Variants in PTPRR observed in about 807,000 individuals in gnomAD.
The protein encoded by PTPRR is protein tyrosine phosphatase receptor type R.
PTPRR carries 38 observed loss-of-function variants against 77.2 expected under a neutral mutation model. The observed-to-expected ratio is 0.49, with a 90% CI of 0.38 to 0.65. PTPRR has a LOEUF of 0.65. PTPRR is among the 30% of genes least tolerant of loss of function. PTPRR has a pLI of 0.00. For missense variants in PTPRR, 744 were observed against 799.2 expected, an observed-to-expected ratio of 0.93 and a Z score of 0.83; for synonymous variants, 299 against 283.1, an observed-to-expected ratio of 1.06 and a Z score of -0.57.
intron 2 of PTPRR, among the ~76,000 whole-genome samples, chr12:70,842,786 T>C (rs1892418330): frequency 1.3e-5 from 2 of 152,348 alleles, no homozygotes; most frequent in East Asian, 1.9e-4. Flanking sequence ...CAAAATAAGA[T>C]AATAGTCACA....
At chr12:70,672,445 G>A in intron 10 of PTPRR, 1 of 1,086,586 alleles carries the variant, frequency 9.2e-7, no homozygotes, top group Non-Finnish European at 1.4e-6. Flanking sequence ...CAAGGCCACA[G>A]ATGCCATGGC....
intron 2 of PTPRR, among the ~76,000 whole-genome samples, chr12:70,873,828 C>T (rs571718546): frequency 2.0e-5 from 3 of 152,160 alleles, no homozygotes; most frequent in African/African-American, 7.2e-5. Flanking sequence ...GTGTTTGGGA[C>T]ACTCTAAAAA....
At chr12:70,797,789 T>G (rs1205738410) in intron 2 of PTPRR, among the ~76,000 whole-genome samples, 1 of 152,196 alleles carries the variant, frequency 6.6e-6, no homozygotes, top group Non-Finnish European at 1.5e-5. Context: ...GCCAGTGGTG[T>G]TCTTTCTCAT....
intron 6 of PTPRR, among the ~76,000 whole-genome samples, chr12:70,735,786 T>C (rs564342242): frequency 6.0e-4 from 92 of 152,352 alleles, no homozygotes; most frequent in African/African-American, 2.2e-3. Context: ...ATAGAAATAC[T>C]GCCTGCCTCC....
intron 6 of PTPRR, among the ~76,000 whole-genome samples, chr12:70,728,776 C>G (rs1416755198): frequency 6.6e-6 from 1 of 151,878 alleles, no homozygotes; most frequent in Non-Finnish European, 1.5e-5. Context: ...TTCTTTATCT[C>G]CATTCCTTGT....
chr12:70,829,080 G>A (rs1892165858), intron 2 of PTPRR, among the ~76,000 whole-genome samples: 2 of 151,948 alleles, frequency 1.3e-5, no homozygotes, highest in South Asian at 4.2e-4. Context: ...AGGGAACTAT[G>A]GACACATGAA....
intron 1 of PTPRR, among the ~76,000 whole-genome samples, chr12:70,897,502 A>G (rs1055906232): frequency 6.6e-6 from 1 of 151,738 alleles, no homozygotes; most frequent in African/African-American, 2.4e-5. Flanking sequence ...AAGTCAGGAA[A>G]CAACAGGTGC....
At chr12:70,813,060 C>T (rs747492202) in intron 2 of PTPRR, among the ~76,000 whole-genome samples, 16 of 152,210 alleles carry the variant, frequency 1.1e-4, no homozygotes, top group Non-Finnish European at 2.1e-4. Flanking sequence ...AAAATCATGA[C>T]TGGAAACCAC....
rs376394914 is a variant in PTPRR at position 70,892,668 on chromosome 12, A to T, written c.357+11T>A. 8 of 1,612,264 alleles carry T rather than the reference A, an allele frequency of 5.0e-6. No individual in the cohort carries two copies. The highest frequency in any genetic ancestry group is 6.8e-6 in the Non-Finnish European group (8 of 1,178,568). On this transcript the variant is annotated intron_variant, in intron 2 of 13. Transcript: ENST00000283228. ...ACATCAGCCTCAGCATCAGTTTAAC[A>T]TACTACTTACCACCACAATTACATT...
At chr12:70,673,925 T>A (rs1243107084) in intron 10 of PTPRR, among the ~76,000 whole-genome samples, 1 of 152,152 alleles carries the variant, frequency 6.6e-6, no homozygotes, top group African/African-American at 2.4e-5. Context: ...TTTGTTTACA[T>A]CAATCCTTTT....
At chr12:70,669,541 C>T (rs1295682917) in intron 10 of PTPRR, among the ~76,000 whole-genome samples, 1 of 136,250 alleles carries the variant, frequency 7.3e-6, no homozygotes, top group Non-Finnish European at 1.5e-5. Context: ...TACACACAAG[C>T]CATATATATA....
intron 13 of PTPRR, among the ~76,000 whole-genome samples, chr12:70,644,144 C>T (rs1158981215): frequency 3.3e-5 from 5 of 152,144 alleles, no homozygotes; most frequent in South Asian, 4.1e-4. Context: ...TTGCCTCTGG[C>T]GTTTTGTCAT....
chr12:70,713,064 C>T (rs569326983), intron 6 of PTPRR, among the ~76,000 whole-genome samples: 1 of 152,266 alleles, frequency 6.6e-6, no homozygotes, highest in South Asian at 2.1e-4. Context: ...TCTCTCCAGG[C>T]TCTAGAAACC....
intron 2 of PTPRR, among the ~76,000 whole-genome samples, chr12:70,800,390 C>CA (rs543681772): frequency 6.6e-6 from 1 of 150,998 alleles, no homozygotes; most frequent in Non-Finnish European, 1.5e-5. Context: ...GTGAGTAGGG[C>CA]AAAAAAGGAT....
chr12:70,701,277 T>C lies in PTPRR; in HGVS notation c.1054A>G (p.Asn352Asp). 1 of 1,613,882 alleles carries C rather than the reference T, an allele frequency of 6.2e-7. No homozygotes were observed. The highest frequency in any genetic ancestry group is 8.5e-7 in the Non-Finnish European group (1 of 1,179,888). Residue 352 changes from asparagine to aspartate, a missense_variant, in exon 7 of 14, where the codon AAC (asparagine) becomes GAC (aspartate). Asn to Asp is a conservative substitution (Grantham distance 23). Coordinates refer to ENST00000283228, the MANE Select transcript of PTPRR (RefSeq NM_002849.4). ...GGTATAGACACAAAGGGTTCAATGT[T>C]CCCCAAGCTACTCATGTCCAATGTA... ...SLTLDMSSLGNIEPFVSIPTP... is the reference protein window; with the variant it reads ...SLTLDMSSLGDIEPFVSIPTP...
In PTPRR at chr12:70,810,895, A is replaced by G. The variant is rs930339531; in HGVS notation, c.358-46117T>C. On this transcript the variant is annotated intron_variant, in intron 2 of 13. Transcript: ENST00000283228. ...AACCTAATTGAAATGCGCTATGGCA[A>G]TTCTATGACTGCACATCCTGTCAGC... Among the ~76,000 whole-genome samples, 5 of 152,186 alleles carry G rather than the reference A, an allele frequency of 3.3e-5. No homozygotes were observed. The East Asian group carries it at 5.8e-4, about 18-fold the overall frequency.
intron 6 of PTPRR, among the ~76,000 whole-genome samples, chr12:70,738,631 A>G (rs1454119361): frequency 6.6e-6 from 1 of 152,266 alleles, no homozygotes; most frequent in African/African-American, 2.4e-5. Flanking sequence ...CAGATTCATA[A>G]GTTCTAGAAA....
intron 1 of PTPRR, among the ~76,000 whole-genome samples, chr12:70,893,786 T>C (rs1177865291): frequency 2.0e-5 from 3 of 151,934 alleles, no homozygotes; most frequent in African/African-American, 7.2e-5. Flanking sequence ...TGATCCCTGA[T>C]GAAAGTGAAA....
At chr12:70,657,265 G>A (rs767368665) in intron 12 of PTPRR, among the ~76,000 whole-genome samples, 2 of 152,094 alleles carry the variant, frequency 1.3e-5, no homozygotes, top group Non-Finnish European at 2.9e-5. Context: ...GCTGGAATAG[G>A]GTGAATTTGA....
Sources: allele counts gnomAD v4.1 joint callset (sites outside exome capture counted in the v4.1 genomes callset), GRCh38; gene constraint gnomAD v4.1.1; transcripts MANE v1.5; gene names NCBI Gene and HGNC (gene_info 2026-07-23, HGNC 2026-07-21).